The following PUM1 variants were observed in gnomAD, a reference collection of about 807,000 sequenced individuals.
The protein encoded by PUM1 is pumilio homolog 1.
PUM1 carries 13 observed loss-of-function variants against 131.8 expected under a neutral mutation model. The observed-to-expected ratio is 0.10, with a 90% CI of 0.06 to 0.16. PUM1 has a LOEUF of 0.16. PUM1 is among the 10% of genes least tolerant of loss of function. PUM1 has a pLI of 1.00. For missense variants in PUM1, 961 were observed against 1,512.4 expected, an observed-to-expected ratio of 0.64 and a Z score of 6.05; for synonymous variants, 509 against 556.5, an observed-to-expected ratio of 0.91 and a Z score of 1.20.
intron 2 of PUM1, among the ~76,000 whole-genome samples, chr1:31,053,750 A>T (rs1368706937): frequency 6.0e-5 from 9 of 149,838 alleles, no homozygotes; most frequent in Non-Finnish European, 1.3e-4. Context: ...TGCTGCGATT[A>T]CAGGTGTGAG....
rs140423239 is a variant in PUM1 at position 30,967,237 on chromosome 1, A to G, written c.1719T>C (p.Asn573=). Residue 573 remains asparagine, a synonymous_variant, in exon 12 of 22, where the codon AAT becomes AAC. Coordinates refer to ENST00000426105, the MANE Select transcript of PUM1 (RefSeq NM_001020658.2). ...CAAGTCGAACAGGAGCTCCAAGACC[A>G]TTTCTCGCGCCTGCATTCACTACAA... ...GALVVNAGAR[N]GLGAPVRLVA... 1.9e-6 allele frequency: 3 copies of G among 1,614,118 alleles called. No homozygotes were observed. The African/African-American group carries it at 4.0e-5, about 22-fold the overall frequency.
intron 3 of PUM1, among the ~76,000 whole-genome samples, chr1:31,023,854 G>A (rs558663731): frequency 7.7e-4 from 116 of 151,390 alleles, no homozygotes; most frequent in African/African-American, 2.7e-3. Flanking sequence ...GCTTGAACCC[G>A]GGAGGCGGAA....
intron 9 of PUM1, 172 bp from the exon 10 acceptor site, chr1:30,974,974 T>A: frequency 2.0e-6 from 1 of 493,144 alleles, no homozygotes; most frequent in Non-Finnish European, 3.5e-6. Flanking sequence ...AAACATTATA[T>A]GAGATCCTTA....
intron 6 of PUM1, among the ~76,000 whole-genome samples, chr1:30,994,156 G>T (rs1323694000): frequency 6.6e-6 from 1 of 152,046 alleles, no homozygotes; most frequent in African/African-American, 2.4e-5. Context: ...TTAGATTAGG[G>T]ATACAAAACA....
In PUM1 at chr1:31,009,034, T is replaced by A. The variant is rs537557389; in HGVS notation, c.433-1932A>T. 5.8e-3 allele frequency among the ~76,000 whole-genome samples: 740 copies of A among 128,094 alleles called. 4 individuals are homozygous for A. The highest frequency in any genetic ancestry group is 0.047 in the East Asian group (164 of 3,472). The allele number at this position is 128,094 out of a possible 152,430, so 84.0% of individuals were successfully genotyped here. A position where few individuals can be genotyped will look rare whatever the true frequency, so the allele number is the denominator to read the frequency against. The stretch of plus-strand genomic sequence containing the variant: ...TAAAAATACAAAAAAAAAAAAAAAA[T>A]TGGCCGGGCGTGGTGGTGTGTGCCT... On this transcript the variant is annotated intron_variant, in intron 3 of 21. Coordinates refer to ENST00000426105, the MANE Select transcript of PUM1 (RefSeq NM_001020658.2).
At chr1:30,977,830 A>G (rs1219898343) in intron 9 of PUM1, among the ~76,000 whole-genome samples, 1 of 152,188 alleles carries the variant, frequency 6.6e-6, no homozygotes, top group African/African-American at 2.4e-5. Flanking sequence ...AGAAAAGACA[A>G]TTCAAGACAG....
chr1:30,999,522 G>A (rs767585285), intron 5 of PUM1, among the ~76,000 whole-genome samples: 23 of 143,230 alleles, frequency 1.6e-4, no homozygotes, highest in Admixed American at 4.5e-4. Flanking sequence ...CAGGAGAATC[G>A]CTTGAACCCT....
intron 3 of PUM1, among the ~76,000 whole-genome samples, chr1:31,017,497 G>A (rs1047929850): frequency 2.0e-5 from 3 of 151,932 alleles, no homozygotes; most frequent in Admixed American, 2.0e-4. Flanking sequence ...AAAACATTAT[G>A]AGATTTTATT....
At position 30,948,526 on chromosome 1, in the gene PUM1, A is replaced by C. The variant is rs560483624; in HGVS notation, c.2856+1601T>G. Among the ~76,000 whole-genome samples the C allele has an allele frequency of 3.9e-5, 6 of 152,222 alleles. No individual in the cohort carries two copies. In the South Asian group the frequency reaches 1.2e-3, roughly 32 times the overall value. On this transcript the variant is annotated intron_variant, in intron 17 of 21. Transcript: ENST00000426105. ...TGTAATCCCAGCACTTTGGGAGGCC[A>C]AATCAATTGAACCCAGGGGTTCAAG...
chr1:31,011,443 T>C (rs530842125), intron 3 of PUM1, among the ~76,000 whole-genome samples: 145 of 152,300 alleles, frequency 9.5e-4, no homozygotes, highest in Non-Finnish European at 1.6e-3. Flanking sequence ...AATTTAGACA[T>C]GTTGAGCTTA....
rs1168018084 is a variant in PUM1 at position 30,938,940 on chromosome 1, CAGACAGAT to C, written c.3243-2113_3243-2106del. On this transcript the variant is annotated intron_variant, in intron 20 of 21. Coordinates refer to ENST00000426105, the MANE Select transcript of PUM1 (RefSeq NM_001020658.2). ...ACAGACAGACAGACAGACAGACAGA[CAGACAGAT>C]AGACAGATAGACAGATACATACATA... is the stretch of plus-strand genomic sequence containing the variant. Among the ~76,000 whole-genome samples, 933 of 114,154 alleles carry C rather than the reference CAGACAGAT, an allele frequency of 8.2e-3. 4 individuals are homozygous for C. The highest frequency in any genetic ancestry group is 0.027 in the Middle Eastern group (6 of 222). 74.9% of individuals were successfully genotyped at this position (114,154 alleles called of 152,430 possible).
At chr1:30,937,838 G>A (rs1409095074) in intron 20 of PUM1, among the ~76,000 whole-genome samples, 14 of 151,830 alleles carry the variant, frequency 9.2e-5, no homozygotes, top group East Asian at 5.8e-4. Context: ...GCATGATCTC[G>A]GCTCACTGCA....
chr1:31,021,332 A>G (rs1251038870), intron 3 of PUM1, among the ~76,000 whole-genome samples: 1 of 152,228 alleles, frequency 6.6e-6, no homozygotes, highest in African/African-American at 2.4e-5. Flanking sequence ...AAGTCATGTG[A>G]ACAGAAAATA....
At chr1:31,004,544 G>A (rs1047925884) in intron 5 of PUM1, among the ~76,000 whole-genome samples, 2 of 151,648 alleles carry the variant, frequency 1.3e-5, no homozygotes, top group African/African-American at 2.4e-5. Context: ...TTCCCAAGCA[G>A]CCCCTTGGGA....
At chr1:31,015,976 TCAATA>T (rs2124525483) in intron 3 of PUM1, among the ~76,000 whole-genome samples, 1 of 152,272 alleles carries the variant, frequency 6.6e-6, no homozygotes, top group South Asian at 2.1e-4. Context: ...CCTGGCCACT[TCAATA>T]CAATTTCAAA....
At chr1:31,018,253 G>A (rs1178140152) in intron 3 of PUM1, among the ~76,000 whole-genome samples, 1 of 151,934 alleles carries the variant, frequency 6.6e-6, no homozygotes, top group African/African-American at 2.4e-5. Context: ...GGAGGCTGAG[G>A]CAGGAGAATC....
At position 31,038,958 on chromosome 1, in the gene PUM1, T is replaced by TA. The variant is rs1553152630; in HGVS notation, c.364-10095_364-10094insT. ...TAGCCATTTAAAATGTTTTAAAATT[T>TA]TATATATATATATATATATATATAT... On this transcript the variant is annotated intron_variant, in intron 2 of 21. Transcript: ENST00000426105. Among the ~76,000 whole-genome samples the TA allele has an allele frequency of 5.9e-4, 26 of 43,956 alleles. 1 individual carries two copies. The highest frequency in any genetic ancestry group is 7.2e-4 in the Admixed American group (3 of 4,166). The allele number at this position is 43,956 out of a possible 152,430, so 28.8% of individuals were successfully genotyped here. A position where few individuals can be genotyped will look rare whatever the true frequency, so the allele number is the denominator to read the frequency against.
intron 2 of PUM1, among the ~76,000 whole-genome samples, chr1:31,043,890 T>C (rs1296568140): frequency 6.6e-6 from 1 of 152,202 alleles, no homozygotes; most frequent in Non-Finnish European, 1.5e-5. Flanking sequence ...AATGAGCACC[T>C]GCCCCTAGTG....
Position 30,964,780 on chromosome 1 carries a change from G to A in PUM1, c.2217C>T (p.Ser739=), listed in dbSNP as rs760639211. The stretch of plus-strand genomic sequence containing the variant: ...GAGGCATGCCCACGGGTCCAGGAGA[G>A]GAGGAAAAGCTAAGGCCGTTATAAA... ...HSFYNGLSFS[S]SPGPVGMPLP... The change falls in exon 14 of 22, where the codon TCC becomes TCT. Residue 739 remains serine (S), a synonymous_variant. Transcript: ENST00000426105. The A allele has an allele frequency of 5.0e-6, 8 of 1,614,134 alleles. No individual in the cohort carries two copies. The highest frequency in any genetic ancestry group is 5.1e-6 in the Non-Finnish European group (6 of 1,180,014).
Sources: gnomAD v4.1 joint callset for allele counts (sites outside exome capture counted in the v4.1 genomes callset) on GRCh38, gnomAD v4.1.1 for gene constraint, MANE v1.5 for transcripts, NCBI Gene and HGNC (gene_info 2026-07-23, HGNC 2026-07-21) for gene names.